Variants in DOCK4 observed in about 807,000 individuals in gnomAD.
DOCK4 encodes dedicator of cytokinesis protein 4.
DOCK4 carries 97 observed loss-of-function variants against 268.1 expected under a neutral mutation model. The ratio of observed to expected loss-of-function variants is 0.36; its 90% CI spans 0.31 to 0.43. The LOEUF (loss-of-function observed/expected upper bound fraction) is 0.43, where lower values mean the gene tolerates loss of function less well. Among genes scored for constraint, DOCK4 ranks in the 20% least tolerant of loss-of-function variants. The pLI is 1.00. For synonymous variants in DOCK4, 954 were observed against 887.2 expected, an observed-to-expected ratio of 1.08 and a Z score of -1.34; for missense variants, 2,145 against 2,455.7, an observed-to-expected ratio of 0.87 and a Z score of 2.67.
At chr7:111,949,363 G>A (rs931838702) in intron 8 of DOCK4, among the ~76,000 whole-genome samples, 3 of 152,048 alleles carry the variant, frequency 2.0e-5, no homozygotes, top group Non-Finnish European at 1.5e-5. Flanking sequence ...TCAAAATTCT[G>A]GAAAACAATG....
intron 1 of DOCK4, among the ~76,000 whole-genome samples, chr7:112,011,481 T>G (rs547373847): frequency 6.6e-6 from 1 of 152,204 alleles, no homozygotes; most frequent in East Asian, 1.9e-4. Flanking sequence ...AAGTTTTTCA[T>G]GTGTTAGTTC....
At chr7:112,112,560 C>G (rs1427398165) in intron 1 of DOCK4, among the ~76,000 whole-genome samples, 1 of 151,984 alleles carries the variant, frequency 6.6e-6, no homozygotes, top group African/African-American at 2.4e-5. Flanking sequence ...AGGAGAATCA[C>G]TGGAACCCAG....
At chr7:112,077,383 A>T (rs1247561964) in intron 1 of DOCK4, among the ~76,000 whole-genome samples, 2 of 152,144 alleles carry the variant, frequency 1.3e-5, no homozygotes, top group Non-Finnish European at 1.5e-5. Flanking sequence ...ATAAAATGAA[A>T]CCCAATTTAG....
rs780861214 is a variant in DOCK4, at chr7:111,728,526, GGGCACC to G, written c.5670_5675del (p.Val1893_Pro1894del). 8.7e-6 allele frequency: 14 copies of G among 1,613,336 alleles called. No homozygotes were observed. The highest frequency in any genetic ancestry group is 4.0e-5 in the African/African-American group (3 of 74,916). On this transcript the variant is annotated inframe_deletion, in exon 53 of 53. Transcript: ENST00000428084. Reference sequence around the variant, plus strand: ...GCTCCTCCCCGCCGTAGCTCGGCACGGGCACCGGCACTGGCACCGGCAGGGGGGCCG... The same window carrying G: ...GCTCCTCCCCGCCGTAGCTCGGCACGGGCACTGGCACCGGCAGGGGGGCCG...
At chr7:112,200,731 A>T (rs532889109) in intron 1 of DOCK4, among the ~76,000 whole-genome samples, 2 of 115,822 alleles carry the variant, frequency 1.7e-5, no homozygotes, top group Admixed American at 8.5e-5. Flanking sequence ...AAAATAAAAA[A>T]AAAAAAACAA....
intron 13 of DOCK4, among the ~76,000 whole-genome samples, chr7:111,907,064 A>T (rs1010961909): frequency 3.3e-5 from 5 of 152,200 alleles, no homozygotes; most frequent in Non-Finnish European, 7.3e-5. Context: ...GAATGGGAGC[A>T]GGACTCACAG....
At chr7:111,986,825 A>T (rs1799090324) in intron 6 of DOCK4, among the ~76,000 whole-genome samples, 1 of 152,200 alleles carries the variant, frequency 6.6e-6, no homozygotes, top group Non-Finnish European at 1.5e-5. Flanking sequence ...AGCTTCCCAC[A>T]TCAAGAGGGC....
At chr7:112,115,741 G>A (rs1047294756) in intron 1 of DOCK4, among the ~76,000 whole-genome samples, 10 of 152,150 alleles carry the variant, frequency 6.6e-5, no homozygotes, top group Admixed American at 1.3e-4. Flanking sequence ...GAGTGCAGTG[G>A]TGCGATCATA....
At chr7:111,739,014 G>A in intron 49 of DOCK4, 120 bp downstream of exon 49, 2 of 729,816 alleles carry the variant, frequency 2.7e-6, no homozygotes, top group East Asian at 2.6e-5. Context: ...TTCACCAGCT[G>A]GATTGGTCTG....
At chr7:111,731,710 G>T (rs556762238) in intron 52 of DOCK4, among the ~76,000 whole-genome samples, 1 of 152,254 alleles carries the variant, frequency 6.6e-6, no homozygotes, top group East Asian at 1.9e-4. Context: ...TCATGATCAA[G>T]TATGTATTTC....
chr7:111,741,314 G>T, intron 46 of DOCK4, 100 bp from the exon 47 acceptor site: 1 of 1,505,844 alleles, frequency 6.6e-7, no homozygotes, highest in South Asian at 1.3e-5. Flanking sequence ...AATACATTCC[G>T]TTTTGTTTTC....
intron 35 of DOCK4, among the ~76,000 whole-genome samples, chr7:111,782,027 C>A (rs1798816304): frequency 6.6e-6 from 1 of 152,144 alleles, no homozygotes; most frequent in South Asian, 2.1e-4. Context: ...CCATGAGATT[C>A]ACAAATATAG....
chr7:112,019,094 G>A (rs1202853557), intron 1 of DOCK4, among the ~76,000 whole-genome samples: 1 of 152,104 alleles, frequency 6.6e-6, no homozygotes, highest in Non-Finnish European at 1.5e-5. Flanking sequence ...AGTGCCCAAA[G>A]ATAATAAGAT....
At chr7:112,135,297 T>C (rs1268521322) in intron 1 of DOCK4, among the ~76,000 whole-genome samples, 1 of 152,188 alleles carries the variant, frequency 6.6e-6, no homozygotes, top group Non-Finnish European at 1.5e-5. Context: ...TTTTCATTAA[T>C]ATATTTACGC....
At chr7:111,803,515 AT>A (rs1332145101) in intron 30 of DOCK4, among the ~76,000 whole-genome samples, 4 of 151,666 alleles carry the variant, frequency 2.6e-5, no homozygotes, top group Non-Finnish European at 5.9e-5. Context: ...GGAAGTATTG[AT>A]TTTTTTTTCT....
At chr7:111,761,748 A>C in intron 39 of DOCK4, among the ~76,000 whole-genome samples, 1 of 152,160 alleles carries the variant, frequency 6.6e-6, no homozygotes, top group East Asian at 1.9e-4. Context: ...TGGGCTGGAT[A>C]ACCTACCTCG....
At chr7:111,900,322 C>G in intron 15 of DOCK4, 52 bp downstream of exon 15, 2 of 1,580,742 alleles carry the variant, frequency 1.3e-6, no homozygotes, top group Non-Finnish European at 1.7e-6. Context: ...GCTCAGTAAG[C>G]AGGATACTCC....
At chr7:111,954,553 C>A (rs1796305991) in intron 8 of DOCK4, among the ~76,000 whole-genome samples, 1 of 152,104 alleles carries the variant, frequency 6.6e-6, no homozygotes, top group African/African-American at 2.4e-5. Context: ...AGGCCCAGTC[C>A]CAAGGCGCAA....
At chr7:111,761,027 C>T (rs1797370083) in intron 39 of DOCK4, among the ~76,000 whole-genome samples, 1 of 151,762 alleles carries the variant, frequency 6.6e-6, no homozygotes, top group South Asian at 2.1e-4. Flanking sequence ...CCCTACAACA[C>T]CCCATTTTAT....
Sources: gnomAD v4.1 joint callset for allele counts (sites outside exome capture counted in the v4.1 genomes callset) on GRCh38, gnomAD v4.1.1 for gene constraint, MANE v1.5 for transcripts, NCBI Gene and HGNC (gene_info 2026-07-23, HGNC 2026-07-21) for gene names.